The following MLIP variants were observed in gnomAD, a reference collection of about 807,000 sequenced individuals.
The protein encoded by MLIP is muscular LMNA interacting protein.
A neutral mutation model predicts 84.8 loss-of-function variants in MLIP; 79 were observed. That is an observed-to-expected ratio of 0.93 (90% CI 0.78 to 1.12). The LOEUF (loss-of-function observed/expected upper bound fraction) is 1.12, where lower values mean the gene tolerates loss of function less well. MLIP is among the 50% of genes most tolerant of loss of function. The probability of loss-of-function intolerance (pLI) is 0.00; values close to 1 mark genes in which losing one functional copy is unlikely to be tolerated. For synonymous variants in MLIP, 504 were observed against 463.0 expected (o/e 1.09, Z -1.14); for missense variants, 1,257 against 1,160.6 (o/e 1.08, Z -1.21).
chr6:54,071,888 C>T (rs528710223), intron 1 of MLIP, among the ~76,000 whole-genome samples: 90 of 152,292 alleles, frequency 5.9e-4, no homozygotes, highest in African/African-American at 1.9e-3. Context: ...CCTGCTTCTT[C>T]GTAGTTCTTT....
intron 1 of MLIP, among the ~76,000 whole-genome samples, chr6:54,075,243 G>A (rs979860560): frequency 1.3e-5 from 1 of 75,500 alleles, no homozygotes; most frequent in South Asian, 5.6e-4. Context: ...GCCAAACTCC[G>A]TCTCAAAAAA....
chr6:54,137,945 A>G lies in MLIP; in HGVS notation c.1876A>G (p.Arg626Gly). Residue 626 changes from arginine (R) to glycine (G), a missense_variant, in exon 4 of 14, where the codon AGA becomes GGA. Coordinates refer to ENST00000502396, the MANE Select transcript of MLIP (RefSeq NM_001281747.2). ...ALSSLINRSK[R>G]ASSQLSGQEL... ...TTCAAGCCTGATAAACAGATCTAAA[A>G]GAGCATCATCCCAACTATCTGGCCA... The G allele has an allele frequency of 1.3e-6, 2 of 1,536,098 alleles. No individual in the cohort carries two copies. The highest frequency in any genetic ancestry group is 1.4e-5 in the African/African-American group (1 of 73,156).
chr6:54,043,452 A>C (rs539718719), intron 1 of MLIP: 1 of 152,236 alleles, frequency 6.6e-6, no homozygotes, highest in Non-Finnish European at 1.5e-5. Flanking sequence ...CATCTATGTA[A>C]TTTCTCTTGG....
chr6:54,186,624 G>C (rs1169955141), intron 9 of MLIP, among the ~76,000 whole-genome samples: 5 of 152,300 alleles, frequency 3.3e-5, no homozygotes, highest in Admixed American at 6.5e-5. Flanking sequence ...TTCACATGGT[G>C]GCGAGAGAGA....
intron 12 of MLIP, among the ~76,000 whole-genome samples, chr6:54,249,324 T>G (rs753024126): frequency 6.6e-6 from 1 of 152,070 alleles, no homozygotes; most frequent in Non-Finnish European, 1.5e-5. Flanking sequence ...CTTGGGAACC[T>G]TTGGGCATTA....
intron 1 of MLIP, among the ~76,000 whole-genome samples, chr6:54,036,243 T>TTG (rs1491046185): frequency 4.2e-4 from 1 of 2,388 alleles, no homozygotes; most frequent in East Asian, 1.8e-3. Flanking sequence ...TCACCACTGT[T>TTG]TTTTTTTTTT....
At chr6:54,117,211 C>CTTTTTT (rs200691416) in intron 1 of MLIP, among the ~76,000 whole-genome samples, 41 of 117,812 alleles carry the variant, frequency 3.5e-4, no homozygotes, top group African/African-American at 1.0e-3. Flanking sequence ...CTATTTCTGT[C>CTTTTTT]TTTTTTTTTT....
intron 1 of MLIP, among the ~76,000 whole-genome samples, chr6:54,076,465 A>C (rs940661239): frequency 1.3e-4 from 20 of 152,196 alleles, no homozygotes; most frequent in Admixed American, 9.8e-4. Flanking sequence ...TGGACCTATA[A>C]TTTGGAAAGA....
At chr6:54,063,364 C>T (rs1013432473) in intron 1 of MLIP, 31 of 151,696 alleles carry the variant, frequency 2.0e-4, no homozygotes, top group African/African-American at 4.8e-4. Context: ...GTGTTGGTAG[C>T]GATGGGGAGT....
At chr6:54,253,639 T>A (rs192676854) in intron 12 of MLIP, among the ~76,000 whole-genome samples, 2 of 152,288 alleles carry the variant, frequency 1.3e-5, no homozygotes, top group East Asian at 3.9e-4. Context: ...TCAGTTGGTG[T>A]GAGGGGATTT....
intron 13 of MLIP, among the ~76,000 whole-genome samples, chr6:54,265,620 TG>T (rs1783641945): frequency 1.3e-5 from 2 of 151,978 alleles, no homozygotes; most frequent in Admixed American, 1.3e-4. Context: ...TGGAAGGGTG[TG>T]GGTGTGGGTG....
At chr6:54,164,277 T>C (rs1486647515) in intron 8 of MLIP, among the ~76,000 whole-genome samples, 1 of 152,000 alleles carries the variant, frequency 6.6e-6, no homozygotes, top group Non-Finnish European at 1.5e-5. Context: ...ATACTGATTT[T>C]GTCACTTTTG....
chr6:54,259,594 C>A (rs890830558), intron 13 of MLIP, among the ~76,000 whole-genome samples: 4 of 151,734 alleles, frequency 2.6e-5, no homozygotes, highest in Admixed American at 6.6e-5. Context: ...ATTATCACAA[C>A]CCTGGAGACA....
intron 4 of MLIP, 53 bp downstream of exon 4, chr6:54,138,339 T>G: frequency 7.7e-7 from 1 of 1,298,028 alleles, no homozygotes; most frequent in Non-Finnish European, 1.0e-6. Context: ...GGGAAGAATC[T>G]TTTTTTTTTC....
chr6:54,142,058 C>A (rs1276026582), intron 4 of MLIP, among the ~76,000 whole-genome samples: 1 of 152,230 alleles, frequency 6.6e-6, no homozygotes, highest in African/African-American at 2.4e-5. Context: ...CTATCTGTGA[C>A]TTTCTTCATT....
chr6:54,205,183 A>G (rs1778952703), intron 11 of MLIP, among the ~76,000 whole-genome samples: 2 of 152,234 alleles, frequency 1.3e-5, no homozygotes, highest in African/African-American at 4.8e-5. Context: ...ACGTCTGCTT[A>G]AAAAATAACT....
At chr6:54,257,176 A>G in intron 12 of MLIP, 132 bp from the exon 13 acceptor site, 3 of 656,338 alleles carry the variant, frequency 4.6e-6, no homozygotes, top group Non-Finnish European at 5.3e-6. Context: ...CTTAGTGTTT[A>G]TACTTGGTAG....
intron 11 of MLIP, among the ~76,000 whole-genome samples, chr6:54,221,535 A>G: frequency 1.1e-5 from 1 of 92,070 alleles, no homozygotes; most frequent in East Asian, 3.8e-4. Flanking sequence ...AGCAAGACAC[A>G]TAAGACCCCC....
At chr6:54,149,249 A>G (rs1046872737) in intron 5 of MLIP, 122 bp downstream of exon 5, 12 of 857,554 alleles carry the variant, frequency 1.4e-5, no homozygotes, top group East Asian at 5.4e-5. Flanking sequence ...ATAACATTCC[A>G]TTCTTAGTTT....
Sources: gnomAD v4.1 joint callset for allele counts (sites outside exome capture counted in the v4.1 genomes callset) on GRCh38, gnomAD v4.1.1 for gene constraint, MANE v1.5 for transcripts, NCBI Gene and HGNC (gene_info 2026-07-23, HGNC 2026-07-21) for gene names.